The following BMP2K variants were observed in gnomAD, a reference collection of about 807,000 sequenced individuals.
BMP2K encodes BMP2 inducible kinase, also known as BMP-2-inducible protein kinase.
In BMP2K, 74 loss-of-function variants were observed where a neutral mutation model predicts 116.0. The ratio of observed to expected loss-of-function variants is 0.64; its 90% confidence interval spans 0.53 to 0.77. The LOEUF is 0.77. BMP2K is among the 30% of genes least tolerant of loss of function. BMP2K has a pLI of 0.00. For synonymous variants in BMP2K, 486 were observed against 502.5 expected (o/e 0.97, Z 0.44); for missense variants, 1,365 against 1,403.6 (o/e 0.97, Z 0.44).
At chr4:78,887,387 A>G in intron 15 of BMP2K, 103 bp downstream of exon 15, 2 of 805,850 alleles carry the variant, frequency 2.5e-6, no homozygotes, top group Non-Finnish European at 4.1e-6. Context: ...AGTTAGCTAC[A>G]GAAAGTAGAA....
chr4:78,786,783 G>A (rs1727752746), intron 1 of BMP2K, among the ~76,000 whole-genome samples: 1 of 152,052 alleles, frequency 6.6e-6, no homozygotes, highest in South Asian at 2.1e-4. Flanking sequence ...CCTTTGCTCT[G>A]CGTAGCAACT....
At chr4:78,866,962 A>G (rs1041625578) in intron 10 of BMP2K, among the ~76,000 whole-genome samples, 4 of 152,146 alleles carry the variant, frequency 2.6e-5, no homozygotes, top group Non-Finnish European at 5.9e-5. Flanking sequence ...TTGTAATCCC[A>G]GCACTTTGGG....
At position 78,870,842 on chromosome 4, in the gene BMP2K, C is replaced by T. The variant is rs758949057; in HGVS notation, c.1291C>T (p.Pro431Ser). 6.2e-7 allele frequency: 1 copy of T among 1,614,076 alleles called. No individual in the cohort carries two copies. Among genetic ancestry groups the T allele is most frequent in the Non-Finnish European group, 8.5e-7 (1 of 1,180,012 alleles). Residue 431 changes from proline to serine, a missense_variant, in exon 11 of 16, where the codon CCG becomes TCG. By Grantham distance (74) the Pro-to-Ser change is moderately conservative. Around this residue, in one of 3 missense-constraint regions of BMP2K, gnomAD observed 762 missense variants for 756.7 expected, o/e 1.01. Transcript: ENST00000502613. ...ATTGGGTCAGGGACCTCCTCAGCAGCCGCCACAGCAGCATAGAGTACTCCA... is the reference window on the plus strand; with the variant it reads ...ATTGGGTCAGGGACCTCCTCAGCAGTCGCCACAGCAGCATAGAGTACTCCA... The part of the protein sequence containing the change: ...ILLGQGPPQQ[P>S]PQQHRVLQQL...
In BMP2K at chr4:78,870,982, A is replaced by ACAGCAG. The variant is rs752405558; in HGVS notation, c.1455_1460dup (p.Gln485_Gln486dup). 1.3e-4 allele frequency: 206 copies of ACAGCAG among 1,597,140 alleles called. No individual in the cohort carries two copies. The highest frequency in any genetic ancestry group is 1.1e-3 in the Admixed American group (63 of 59,410). ...AGCAACAGCAGCAGCAGCAACAGCA[A>ACAGCAG]CAGCAGCAGCAGCAGCAGCAGCAGC... On this transcript the variant is annotated inframe_insertion, in exon 11 of 16. Transcript: ENST00000502613.
chr4:78,798,089 T>C (rs1728387308), intron 1 of BMP2K, among the ~76,000 whole-genome samples: 1 of 152,206 alleles, frequency 6.6e-6, no homozygotes. Context: ...AGTGTTGGTA[T>C]TACAGGCATG....
At chr4:78,787,963 A>T (rs527652026) in intron 1 of BMP2K, among the ~76,000 whole-genome samples, 1 of 152,144 alleles carries the variant, frequency 6.6e-6, no homozygotes, top group South Asian at 2.1e-4. Context: ...AGCTTTATAC[A>T]TAAGTATTCT....
At chr4:78,888,925 A>T (rs904324188) in intron 15 of BMP2K, among the ~76,000 whole-genome samples, 10 of 152,220 alleles carry the variant, frequency 6.6e-5, no homozygotes, top group Non-Finnish European at 1.2e-4. Flanking sequence ...GCCTTAAAAA[A>T]AATGCCCATT....
chr4:78,871,707 T>A (rs1732364022), intron 11 of BMP2K, 143 bp from the exon 12 acceptor site: 2 of 485,664 alleles, frequency 4.1e-6, no homozygotes, highest in Non-Finnish European at 7.3e-6. Flanking sequence ...TATTAATAAA[T>A]TATAGTAATT....
rs143594328 is a variant in BMP2K at position 78,879,462 on chromosome 4, A to T, written c.1951+571A>T. 91 of 968,038 alleles carry T rather than the reference A, an allele frequency of 9.4e-5. No individual in the cohort carries two copies. The East Asian group carries it at 8.8e-3, about 94-fold the overall frequency. 60.0% of individuals were successfully genotyped at this position (968,038 alleles called of 1,614,324 possible). On this transcript the variant is annotated intron_variant, in intron 14 of 15. Coordinates refer to ENST00000502613, the MANE Select transcript of BMP2K (RefSeq NM_198892.2). Reference sequence around the variant, plus strand: ...CAGATATCTCAATGTTTTTACTTGGAATCATTGCTTTTCTTTGAACTACCT... The same window carrying T: ...CAGATATCTCAATGTTTTTACTTGGTATCATTGCTTTTCTTTGAACTACCT...
intron 15 of BMP2K, among the ~76,000 whole-genome samples, chr4:78,905,280 C>T (rs1560556589): frequency 6.6e-6 from 1 of 151,652 alleles, no homozygotes; most frequent in Non-Finnish European, 1.5e-5. Flanking sequence ...ATGCAACTTC[C>T]TAAGATAATA....
chr4:78,839,460 T>C (rs1730649319), intron 3 of BMP2K, among the ~76,000 whole-genome samples: 1 of 152,222 alleles, frequency 6.6e-6, no homozygotes, highest in South Asian at 2.1e-4. Flanking sequence ...ATCTGCCTCA[T>C]TTATTGGGAC....
At chr4:78,847,921 C>T (rs1221460952) in intron 6 of BMP2K, among the ~76,000 whole-genome samples, 2 of 151,502 alleles carry the variant, frequency 1.3e-5, no homozygotes, top group Non-Finnish European at 3.0e-5. Flanking sequence ...AGTTACTTAG[C>T]CATATCTATC....
intron 1 of BMP2K, among the ~76,000 whole-genome samples, chr4:78,784,948 TGAG>T (rs1727665560): frequency 6.6e-6 from 1 of 152,128 alleles, no homozygotes; most frequent in African/African-American, 2.4e-5. Flanking sequence ...TTTAGATAAA[TGAG>T]GAGCATGGGA....
intron 15 of BMP2K, among the ~76,000 whole-genome samples, chr4:78,897,917 A>G (rs1041578915): frequency 6.6e-6 from 1 of 152,238 alleles, no homozygotes; most frequent in African/African-American, 2.4e-5. Context: ...ACTACATGCA[A>G]TTAAGATGCA....
chr4:78,887,242 C>T lies in BMP2K; in HGVS notation c.2020C>T (p.Pro674Ser), dbSNP rs1182002864. ...ACTTTCTGCTCCACATAACCATCCT[C>T]CAGAAGATCCTTTTGGTTCTGTTCC... Reference protein sequence around the residue: ...DSLSAPHNHPPEDPFGSVPFI... With the variant: ...DSLSAPHNHPSEDPFGSVPFI... The change falls in exon 15 of 16, where the codon CCA (proline) becomes TCA (serine). Residue 674 changes from proline to serine, a missense_variant. Pro to Ser is a moderately conservative substitution (Grantham distance 74, BLOSUM62 -1). Around this residue, in one of 3 missense-constraint regions of BMP2K, gnomAD observed 596 missense variants for 623.2 expected, o/e 0.96. Coordinates refer to ENST00000502613, the MANE Select transcript of BMP2K (RefSeq NM_198892.2). The T allele has an allele frequency of 1.2e-6, 2 of 1,611,602 alleles. No individual in the cohort carries two copies. The highest frequency in any genetic ancestry group is 2.2e-5 in the East Asian group (1 of 44,768).
intron 2 of BMP2K, among the ~76,000 whole-genome samples, chr4:78,829,801 T>TCTTCTCTTCC (rs1730108254): frequency 7.9e-6 from 1 of 125,950 alleles, no homozygotes; most frequent in Non-Finnish European, 1.6e-5. Flanking sequence ...TCTTCTCTTC[T>TCTTCTCTTCC]CTTCTCTTCT....
rs1352781990 is a variant in BMP2K, at chr4:78,915,564, C to A, written c.*3531C>A. ...AGATGACATATCTACTGTGAGAATA[C>A]CATAAATGATGAATAGTTTATTTGA... On this transcript the variant is annotated 3_prime_UTR_variant, in exon 16 of 16. Transcript: ENST00000502613. 2 of 151,676 alleles carry A rather than the reference C, an allele frequency of 1.3e-5. No individual in the cohort carries two copies. The highest frequency in any genetic ancestry group is 2.9e-5 in the Non-Finnish European group (2 of 67,840). 9.4% of individuals were successfully genotyped at this position (151,676 alleles called of 1,614,324 possible).
chr4:78,878,661 AG>A (rs1446296369), intron 13 of BMP2K, 72 bp from the exon 14 acceptor site: 1 of 1,185,646 alleles, frequency 8.4e-7, no homozygotes, highest in Non-Finnish European at 1.2e-6. Flanking sequence ...AGTATAAAGT[AG>A]GGCATTGTAA....
chr4:78,797,640 T>G (rs981642454), intron 1 of BMP2K, among the ~76,000 whole-genome samples: 1 of 152,216 alleles, frequency 6.6e-6, no homozygotes, highest in Admixed American at 6.5e-5. Context: ...ATAGTGTGTC[T>G]TATCATTTTT....
Sources: gnomAD v4.1 joint callset for allele counts (sites outside exome capture counted in the v4.1 genomes callset) on GRCh38, gnomAD v4.1.1 for gene constraint, gnomAD v4.1.1 regional missense constraint, MANE v1.5 for transcripts, NCBI Gene and HGNC (gene_info 2026-07-23, HGNC 2026-07-21) for gene names.